DNAH9: variants seen among roughly 807,000 people sequenced by gnomAD.
DNAH9 encodes DNAH9 variant protein.
DNAH9 carries 345 observed loss-of-function variants against 471.6 expected under a neutral mutation model. The observed-to-expected ratio is 0.73, with a 90% CI of 0.67 to 0.80. The LOEUF (loss-of-function observed/expected upper bound fraction) is 0.80. Ranked by LOEUF, DNAH9 falls within the 30% of genes least tolerant of loss-of-function variation. DNAH9 has a pLI of 0.00. For synonymous variants in DNAH9, 2,093 were observed against 2,123.6 expected (o/e 0.99, Z 0.40); for missense variants, 5,407 against 5,609.2 (o/e 0.96, Z 1.15).
At chr17:11,770,866 G>A (rs1968178910) in intron 38 of DNAH9, among the ~76,000 whole-genome samples, 1 of 152,094 alleles carries the variant, frequency 6.6e-6, no homozygotes, top group Admixed American at 6.6e-5. Context: ...ACCCTGGTTT[G>A]TGGTGTTTGC....
intron 68 of DNAH9, among the ~76,000 whole-genome samples, chr17:11,965,194 A>G (rs1234839211): frequency 6.6e-6 from 1 of 152,162 alleles, no homozygotes; most frequent in Non-Finnish European, 1.5e-5. Flanking sequence ...TGCTCAAGAG[A>G]GTTGAGAAGG....
At chr17:11,957,537 T>C (rs1419175271) in intron 67 of DNAH9, among the ~76,000 whole-genome samples, 2 of 151,736 alleles carry the variant, frequency 1.3e-5, no homozygotes, top group African/African-American at 4.8e-5. Context: ...TTCTTGGATT[T>C]TCTTTATGCC....
At chr17:11,812,127 G>A (rs924675668) in intron 45 of DNAH9, among the ~76,000 whole-genome samples, 5 of 140,844 alleles carry the variant, frequency 3.6e-5, no homozygotes, top group African/African-American at 1.0e-4. Context: ...ATATAAATAT[G>A]TGCATGTTTA....
intron 46 of DNAH9, 150 bp downstream of exon 46, chr17:11,822,212 G>A (rs1597696342): frequency 2.8e-6 from 3 of 1,062,786 alleles, no homozygotes; most frequent in South Asian, 1.6e-5. Flanking sequence ...CAGTTGCCAG[G>A]ACACCCTTCT....
intron 67 of DNAH9, among the ~76,000 whole-genome samples, chr17:11,960,123 T>C (rs544304781): frequency 1.1e-4 from 17 of 152,204 alleles, no homozygotes; most frequent in Non-Finnish European, 2.2e-4. Context: ...AAGGTAGGTA[T>C]GCTTAACTGT....
At chr17:11,778,624 G>A (rs1462141788) in intron 38 of DNAH9, among the ~76,000 whole-genome samples, 1 of 152,086 alleles carries the variant, frequency 6.6e-6, no homozygotes, top group Admixed American at 6.6e-5. Context: ...CATTTGGGAA[G>A]ATGTGTAGTT....
chr17:11,694,648 C>CTT lies in DNAH9; in HGVS notation c.4872+201_4872+202insTT, dbSNP rs1567724599. On this transcript the variant is annotated intron_variant, in intron 22 of 68. Transcript: ENST00000262442. ...TTGCTTTCTTGCTTTCTTGCTTTCT[C>CTT]GCTTTCTCGCTTTCTCGCTTTCTCG... Among the ~76,000 whole-genome samples, 33 of 7,856 alleles carry CTT rather than the reference C, an allele frequency of 4.2e-3. 4 individuals carry two copies. The highest frequency in any genetic ancestry group is 6.4e-3 in the African/African-American group (25 of 3,878). 5.2% of individuals were successfully genotyped at this position (7,856 alleles called of 152,430 possible). A position where few individuals can be genotyped will look rare whatever the true frequency, so the allele number is the denominator to read the frequency against.
In DNAH9 at chr17:11,827,320, G is replaced by A. The variant is rs992285982; in HGVS notation, c.9246+4286G>A. 3.3e-5 allele frequency among the ~76,000 whole-genome samples: 5 copies of A among 152,256 alleles called. No individual in the cohort carries two copies. In the South Asian group the frequency reaches 6.2e-4, roughly 19 times the overall value. On this transcript the variant is annotated intron_variant, in intron 48 of 68. Transcript: ENST00000262442. ...TTAATTGGCTCACAGTTCTGCTGGC[G>A]GTACAGGAAGCATTGCACTGGCATC... is the stretch of plus-strand genomic sequence containing the variant.
In DNAH9 at chr17:11,715,626, C is replaced by G. The variant is rs112591738; in HGVS notation, c.5553-3708C>G. ...AAATCAATCCATATCCATGTTGGGACTCATCGGCCAGGATCTCTCTTCCTT... is the reference window on the plus strand; with the variant it reads ...AAATCAATCCATATCCATGTTGGGAGTCATCGGCCAGGATCTCTCTTCCTT... On this transcript the variant is annotated intron_variant, in intron 26 of 68. Coordinates refer to ENST00000262442, the MANE Select transcript of DNAH9 (RefSeq NM_001372.4). Among the ~76,000 whole-genome samples the G allele has an allele frequency of 3.3e-5, 5 of 152,318 alleles. 1 individual carries two copies. Among genetic ancestry groups the G allele is most frequent in the African/African-American group, 1.2e-4 (5 of 41,566 alleles).
At chr17:11,637,604 A>G (rs530886819) in intron 9 of DNAH9, among the ~76,000 whole-genome samples, 3 of 152,272 alleles carry the variant, frequency 2.0e-5, no homozygotes, top group Admixed American at 2.0e-4. Flanking sequence ...CTCTAAAAAT[A>G]AAATAAATAA....
At chr17:11,639,529 A>C (rs1009083605) in intron 9 of DNAH9, among the ~76,000 whole-genome samples, 9 of 152,206 alleles carry the variant, frequency 5.9e-5, no homozygotes, top group African/African-American at 2.2e-4. Flanking sequence ...CATAATCCAC[A>C]TGACCTGCCT....
chr17:11,837,040 C>A (rs900380697), intron 49 of DNAH9, among the ~76,000 whole-genome samples: 1 of 152,162 alleles, frequency 6.6e-6, no homozygotes, highest in South Asian at 2.1e-4. Flanking sequence ...AAGTAGCTAA[C>A]AGATGATAGC....
chr17:11,748,442 TG>T lies in DNAH9; in HGVS notation c.6610+679del, dbSNP rs1291305988. On this transcript the variant is annotated intron_variant, in intron 32 of 68. Coordinates refer to ENST00000262442, the MANE Select transcript of DNAH9 (RefSeq NM_001372.4). ...CTGGCAGTAGACTTCAAGTATGTGT[TG>T]GGTAGGGAAGCCCACGGCTCATTCC... Among the ~76,000 whole-genome samples the T allele has an allele frequency of 3.3e-5, 5 of 152,244 alleles. No homozygotes were observed. The South Asian group carries it at 8.3e-4, about 25-fold the overall frequency.
At position 11,894,397 on chromosome 17, in the gene DNAH9, C is replaced by A. The variant is rs542011471; in HGVS notation, c.11307C>A (p.Val3769=). 7.5e-5 allele frequency: 121 copies of A among 1,614,144 alleles called. No homozygotes were observed. The South Asian group carries it at 1.3e-3, about 17-fold the overall frequency. The change falls in exon 59 of 69, where the codon GTC becomes GTA. Residue 3769 remains valine (V), a synonymous_variant. Transcript: ENST00000262442. ...TFQILLMNRE[V]NAVELDFLLR... Reference sequence around the variant, plus strand: ...AGATTCTCCTCATGAACCGAGAAGTCAATGCAGTGGAGTTGGATTTCCTGC... The same window carrying A: ...AGATTCTCCTCATGAACCGAGAAGTAAATGCAGTGGAGTTGGATTTCCTGC...
chr17:11,902,327 CAG>C (rs1448478022), intron 59 of DNAH9, among the ~76,000 whole-genome samples: 1 of 152,130 alleles, frequency 6.6e-6, no homozygotes, highest in African/African-American at 2.4e-5. Context: ...GGTGAACTGA[CAG>C]GGTTTGGTGG....
chr17:11,694,418 A>C lies in DNAH9; in HGVS notation c.4843A>C (p.Ile1615Leu). 2 of 1,613,132 alleles carry C rather than the reference A, an allele frequency of 1.2e-6. No individual in the cohort carries two copies. The highest frequency in any genetic ancestry group is 1.7e-6 in the Non-Finnish European group (2 of 1,179,820). ...TCTCTCCTCCTCCGATCTGTTAGAC[A>C]TCCTTTCCAACGGCACAGCTCCACA... ...YFLSSSDLLD[I>L]LSNGTAPQQV... The change falls in exon 22 of 69, where the codon ATC becomes CTC. Residue 1615 changes from isoleucine (I) to leucine (L), a missense_variant. This residue lies in a region of DNAH9 where 4,636 missense variants were observed against 4,900.3 expected (regional missense o/e 0.95). Coordinates refer to ENST00000262442, the MANE Select transcript of DNAH9 (RefSeq NM_001372.4).
intron 41 of DNAH9, among the ~76,000 whole-genome samples, chr17:11,791,647 G>A (rs1257378572): frequency 6.6e-6 from 1 of 152,102 alleles, no homozygotes; most frequent in African/African-American, 2.4e-5. Context: ...GGAGGTGGAG[G>A]CTGCCGCGAG....
intron 41 of DNAH9, among the ~76,000 whole-genome samples, chr17:11,785,949 A>G (rs1206993538): frequency 1.3e-5 from 2 of 152,230 alleles, no homozygotes; most frequent in Non-Finnish European, 2.9e-5. Flanking sequence ...GGACAGCAGC[A>G]AAGTTTGTGC....
In DNAH9 at chr17:11,793,356, A is replaced by C. The variant is rs992463179; in HGVS notation, c.8062-147A>C. 2.8e-5 allele frequency: 18 copies of C among 649,720 alleles called. No homozygotes were observed. The African/African-American group carries it at 3.2e-4, about 11-fold the overall frequency. 40.2% of individuals were successfully genotyped at this position (649,720 alleles called of 1,614,324 possible). ...TTTACAAGCTCCCTTTCAGCTTCTC[A>C]GTGTTCCCTCCACTAGAATGATCTG... On this transcript the variant is annotated intron_variant, in intron 41 of 68. Coordinates refer to ENST00000262442, the MANE Select transcript of DNAH9 (RefSeq NM_001372.4).
Sources: allele counts gnomAD v4.1 joint callset (sites outside exome capture counted in the v4.1 genomes callset), GRCh38; gene constraint gnomAD v4.1.1; regional missense constraint gnomAD v4.1.1; transcripts MANE v1.5; gene names NCBI Gene and HGNC (gene_info 2026-07-23, HGNC 2026-07-21).